Variants in SLC39A11 observed in about 807,000 individuals in gnomAD.
SLC39A11 encodes the protein solute carrier family 39 member 11.
In SLC39A11, 33 loss-of-function variants were observed where a neutral mutation model predicts 36.1. That is an observed-to-expected ratio of 0.91 (90% CI 0.69 to 1.22). The LOEUF is 1.22. Among genes scored for constraint, SLC39A11 ranks in the 50% most tolerant of loss-of-function variants. SLC39A11 has a pLI of 0.00. For synonymous variants in SLC39A11, 166 were observed against 170.3 expected, an observed-to-expected ratio of 0.97 and a Z score of 0.20; for missense variants, 432 against 430.3, an observed-to-expected ratio of 1.00 and a Z score of -0.03.
rs139429056 is a variant in SLC39A11 at position 73,000,443 on chromosome 17, A to G, written c.306+31113T>C. Among the ~76,000 whole-genome samples, 181 of 152,218 alleles carry G rather than the reference A, an allele frequency of 1.2e-3. 1 individual carries two copies. The highest frequency in any genetic ancestry group is 4.3e-3 in the African/African-American group (179 of 41,528). ...ATTGCATCCAACTTATGTTCCCGAC[A>G]AGGATATGGGAACAAGGCACATAGG... On this transcript the variant is annotated intron_variant, in intron 4 of 9. Coordinates refer to ENST00000255559, the MANE Select transcript of SLC39A11 (RefSeq NM_139177.4).
At chr17:72,827,802 T>C (rs1230455139) in intron 6 of SLC39A11, among the ~76,000 whole-genome samples, 1 of 152,196 alleles carries the variant, frequency 6.6e-6, no homozygotes, top group Non-Finnish European at 1.5e-5. Context: ...CTATCTTCCA[T>C]GATGATGAGG....
At chr17:72,932,203 T>C (rs1465598867) in intron 5 of SLC39A11, among the ~76,000 whole-genome samples, 1 of 151,978 alleles carries the variant, frequency 6.6e-6, no homozygotes, top group Non-Finnish European at 1.5e-5. Context: ...CTCCAACGTC[T>C]AGCAGCCACT....
In SLC39A11 at chr17:73,082,065, A is replaced by G. The variant is rs1384128518; in HGVS notation, c.147+2743T>C. Among the ~76,000 whole-genome samples, 5 of 145,442 alleles carry G rather than the reference A, an allele frequency of 3.4e-5. 1 individual carries two copies. The highest frequency in any genetic ancestry group is 7.4e-5 in the Non-Finnish European group (5 of 67,118). On this transcript the variant is annotated intron_variant, in intron 3 of 9. Coordinates refer to ENST00000255559, the MANE Select transcript of SLC39A11 (RefSeq NM_139177.4). Reference sequence around the variant, plus strand: ...AAATCTCAGAAATTACCGCTAAAGAACTTATCCTTTTAACCAAACATCACC... The same window carrying G: ...AAATCTCAGAAATTACCGCTAAAGAGCTTATCCTTTTAACCAAACATCACC...
chr17:72,779,775 G>A (rs2076248714), intron 6 of SLC39A11, among the ~76,000 whole-genome samples: 1 of 152,214 alleles, frequency 6.6e-6, no homozygotes, highest in African/African-American at 2.4e-5. Context: ...ACCTACATCT[G>A]TGGAGAGGAA....
Position 72,651,322 on chromosome 17 carries a change from G to A in SLC39A11, c.672-2054C>T, listed in dbSNP as rs72490443. ...AGGTGAGGATGAGGAAAGCAGTCAA[G>A]CCCACCCCCCTCCCAGGAGCCCCTT... On this transcript the variant is annotated intron_variant, in intron 7 of 9. Coordinates refer to ENST00000255559, the MANE Select transcript of SLC39A11 (RefSeq NM_139177.4). 3.5e-4 allele frequency among the ~76,000 whole-genome samples: 53 copies of A among 151,724 alleles called. 1 individual carries two copies. In the East Asian group the frequency reaches 9.3e-3, roughly 27 times the overall value.
At chr17:72,673,950 C>T (rs1046893564) in intron 7 of SLC39A11, among the ~76,000 whole-genome samples, 1 of 152,108 alleles carries the variant, frequency 6.6e-6, no homozygotes, top group Non-Finnish European at 1.5e-5. Context: ...GGCCTGTAAT[C>T]CCAGCTACTT....
At chr17:72,811,417 A>T (rs565275931) in intron 6 of SLC39A11, among the ~76,000 whole-genome samples, 1 of 152,316 alleles carries the variant, frequency 6.6e-6, no homozygotes, top group East Asian at 1.9e-4. Flanking sequence ...GGCCATGGCA[A>T]TCACTGTTTA....
At chr17:72,851,823 C>T (rs1186435036) in intron 5 of SLC39A11, among the ~76,000 whole-genome samples, 1 of 152,144 alleles carries the variant, frequency 6.6e-6, no homozygotes, top group Non-Finnish European at 1.5e-5. Context: ...CTCTGAATGT[C>T]TTCTAGTTTT....
At chr17:72,932,088 T>G (rs2147439903) in intron 5 of SLC39A11, among the ~76,000 whole-genome samples, 1 of 152,280 alleles carries the variant, frequency 6.6e-6, no homozygotes, top group African/African-American at 2.4e-5. Flanking sequence ...TTGGCTATTT[T>G]TACTGTTGTC....
At chr17:72,818,554 A>G (rs1052772069) in intron 6 of SLC39A11, among the ~76,000 whole-genome samples, 41 of 152,234 alleles carry the variant, frequency 2.7e-4, no homozygotes, top group African/African-American at 9.6e-4. Context: ...CTATTGATTT[A>G]AAACCTATGT....
At chr17:72,824,994 T>C (rs1287810988) in intron 6 of SLC39A11, among the ~76,000 whole-genome samples, 2 of 151,292 alleles carry the variant, frequency 1.3e-5, no homozygotes, top group Non-Finnish European at 3.0e-5. Flanking sequence ...ACCCATTTTC[T>C]AGGGAAAAGT....
At chr17:72,722,609 G>A (rs910579852) in intron 7 of SLC39A11, among the ~76,000 whole-genome samples, 6 of 151,892 alleles carry the variant, frequency 4.0e-5, no homozygotes, top group Non-Finnish European at 7.4e-5. Flanking sequence ...CTGATTTCAT[G>A]AACTAATTTC....
intron 6 of SLC39A11, among the ~76,000 whole-genome samples, chr17:72,754,055 C>CACAT (rs2075276316): frequency 7.8e-5 from 2 of 25,696 alleles, no homozygotes; most frequent in African/African-American, 2.2e-4. Flanking sequence ...TACACATACA[C>CACAT]ACACACACAC....
chr17:72,800,730 A>G (rs1485487187), intron 6 of SLC39A11, among the ~76,000 whole-genome samples: 1 of 152,140 alleles, frequency 6.6e-6, no homozygotes, highest in African/African-American at 2.4e-5. Context: ...CTAAGGAGAG[A>G]GGCAGAGAGC....
intron 6 of SLC39A11, among the ~76,000 whole-genome samples, chr17:72,815,329 T>C (rs2077547783): frequency 6.6e-6 from 1 of 152,160 alleles, no homozygotes; most frequent in Non-Finnish European, 1.5e-5. Context: ...CCAGAAAGAA[T>C]GCAGGAGAGG....
intron 3 of SLC39A11, among the ~76,000 whole-genome samples, chr17:73,048,292 G>T (rs1035857838): frequency 1.3e-5 from 2 of 151,930 alleles, no homozygotes; most frequent in African/African-American, 4.8e-5. Context: ...GCGGTATTTG[G>T]TTTTCTGTTT....
At chr17:72,977,655 G>A (rs1284224427) in intron 4 of SLC39A11, among the ~76,000 whole-genome samples, 2 of 152,046 alleles carry the variant, frequency 1.3e-5, no homozygotes, top group Non-Finnish European at 2.9e-5. Context: ...GAGGGACTAG[G>A]GACATGTGGG....
At chr17:72,690,508 A>ACATGTG (rs1483216793) in intron 7 of SLC39A11, among the ~76,000 whole-genome samples, 1 of 152,224 alleles carries the variant, frequency 6.6e-6, no homozygotes, top group Non-Finnish European at 1.5e-5. Flanking sequence ...ACTTGTACAC[A>ACATGTG]CATGTGCATG....
intron 7 of SLC39A11, among the ~76,000 whole-genome samples, chr17:72,701,188 T>G (rs747401961): frequency 6.6e-6 from 1 of 152,376 alleles, no homozygotes; most frequent in South Asian, 2.1e-4. Context: ...GTTTTGGCAC[T>G]GCCAACAATG....
Sources: gnomAD v4.1 joint callset for allele counts (sites outside exome capture counted in the v4.1 genomes callset) on GRCh38, gnomAD v4.1.1 for gene constraint, MANE v1.5 for transcripts, NCBI Gene and HGNC (gene_info 2026-07-23, HGNC 2026-07-21) for gene names.